The following PCLO variants were observed in gnomAD, a reference collection of about 807,000 sequenced individuals.
PCLO encodes the protein piccolo presynaptic cytomatrix protein, also known as protein piccolo.
Under a neutral mutation model 427.5 loss-of-function variants are expected in PCLO, and 82 were observed. The observed-to-expected ratio is 0.19, with a 90% CI of 0.16 to 0.23. The LOEUF is 0.23. Among genes scored for constraint, PCLO ranks in the 10% least tolerant of loss-of-function variants. The pLI is 1.00. For synonymous variants in PCLO, 2,357 were observed against 2,155.4 expected, an observed-to-expected ratio of 1.09 and a Z score of -2.59; for missense variants, 6,239 against 6,115.9, an observed-to-expected ratio of 1.02 and a Z score of -0.67.
chr7:82,984,406 G>GTC (rs1297590166), intron 3 of PCLO, among the ~76,000 whole-genome samples: 6 of 137,886 alleles, frequency 4.4e-5, no homozygotes, highest in Non-Finnish European at 7.8e-5. Context: ...CAAATGTGGT[G>GTC]TCTGTGTGTG....
intron 10 of PCLO, among the ~76,000 whole-genome samples, chr7:82,874,501 A>G (rs767809090): frequency 2.0e-5 from 3 of 152,130 alleles, no homozygotes; most frequent in Non-Finnish European, 4.4e-5. Flanking sequence ...GAATTTCCCA[A>G]ATTTGGAGAG....
At chr7:83,072,802 A>G (rs1043257723) in intron 3 of PCLO, among the ~76,000 whole-genome samples, 13 of 152,026 alleles carry the variant, frequency 8.6e-5, no homozygotes, top group Non-Finnish European at 1.5e-5. Flanking sequence ...ATTCAAACTA[A>G]TGAATCAGCT....
In PCLO at chr7:83,024,259, G is replaced by A. The variant is rs377318419; in HGVS notation, c.3301-57772C>T. Among the ~76,000 whole-genome samples, 128 of 152,292 alleles carry A rather than the reference G, an allele frequency of 8.4e-4. 1 individual carries two copies. Among genetic ancestry groups the A allele is most frequent in the African/African-American group, 2.7e-3 (112 of 41,578 alleles). ...GTCAGTGGGTGCGCGCACCATGCGC[G>A]AGCCGAAGCAGGGTGAGGCATTGCC... On this transcript the variant is annotated intron_variant, in intron 3 of 24. Transcript: ENST00000333891.
In PCLO at chr7:82,988,819, A is replaced by T. The variant is rs1195298169; in HGVS notation, c.3301-22332T>A. Among the ~76,000 whole-genome samples the T allele has an allele frequency of 4.0e-5, 6 of 150,134 alleles. No individual in the cohort carries two copies. In the South Asian group the frequency reaches 6.3e-4, roughly 16 times the overall value. ...CAAGGAGCAGAATTTATTTTTTTTT[A>T]TTTTTTATTTTTTTATTTTATTTTT... On this transcript the variant is annotated intron_variant, in intron 3 of 24. Coordinates refer to ENST00000333891, the MANE Select transcript of PCLO (RefSeq NM_033026.6).
intron 14 of PCLO, among the ~76,000 whole-genome samples, chr7:82,838,617 G>A (rs2115761966): frequency 6.6e-6 from 1 of 151,928 alleles, no homozygotes; most frequent in African/African-American, 2.4e-5. Flanking sequence ...AAGGTAGAAT[G>A]CTGGTTATCT....
intron 3 of PCLO, among the ~76,000 whole-genome samples, chr7:83,112,045 GTTTTTTGT>G (rs1791017356): frequency 6.7e-6 from 1 of 148,996 alleles, no homozygotes; most frequent in African/African-American, 2.4e-5. Flanking sequence ...TTTTTTTGTT[GTTTTTTGT>G]TTTTTTGTTT....
At chr7:82,894,999 A>C (rs1053797388) in intron 9 of PCLO, among the ~76,000 whole-genome samples, 1 of 152,054 alleles carries the variant, frequency 6.6e-6, no homozygotes, top group African/African-American at 2.4e-5. Flanking sequence ...GGAAAGTAAA[A>C]TCATAGTCAT....
rs886171180 is a variant in PCLO at position 82,754,477 on chromosome 7, C to T, written c.*4098G>A. The T allele has an allele frequency of 6.6e-6, 1 of 152,080 alleles. No individual in the cohort carries two copies. The highest frequency in any genetic ancestry group is 2.1e-4 in the South Asian group (1 of 4,830). 9.4% of individuals were successfully genotyped at this position (152,080 alleles called of 1,614,324 possible). Reference sequence around the variant, plus strand: ...AATCAGTAGTGGGAGCACCTGAGCACGTCACCAAACAAATATACAGACACA... The same window carrying T: ...AATCAGTAGTGGGAGCACCTGAGCATGTCACCAAACAAATATACAGACACA... On this transcript the variant is annotated 3_prime_UTR_variant, in exon 25 of 25. Coordinates refer to ENST00000333891, the MANE Select transcript of PCLO (RefSeq NM_033026.6).
At chr7:83,149,020 T>A (rs536260632) in intron 2 of PCLO, among the ~76,000 whole-genome samples, 35 of 152,300 alleles carry the variant, frequency 2.3e-4, no homozygotes, top group African/African-American at 8.2e-4. Flanking sequence ...TACCCCATTG[T>A]GGGAGAGAAG....
rs779325143 is a variant in PCLO at position 82,955,366 on chromosome 7, T to C, written c.5587A>G (p.Ile1863Val). The C allele has an allele frequency of 6.2e-7, 1 of 1,613,812 alleles. No homozygotes were observed. Among genetic ancestry groups the C allele is most frequent in the Non-Finnish European group, 8.5e-7 (1 of 1,179,760 alleles). ...TCAAAACCTTCTGGGTCTGACTCTA[T>C]GCTAGGTGAATATTCAGAACAAGAA... ...RSSCSEYSPS[I>V]ESDPEGFEIS... Residue 1863 changes from isoleucine (I) to valine (V), a missense_variant, in exon 5 of 25, where the codon ATA becomes GTA. By Grantham distance (29) the Ile-to-Val change is conservative. Coordinates refer to ENST00000333891, the MANE Select transcript of PCLO (RefSeq NM_033026.6).
intron 4 of PCLO, among the ~76,000 whole-genome samples, chr7:82,962,582 A>C (rs558059550): frequency 6.6e-6 from 1 of 152,078 alleles, no homozygotes; most frequent in East Asian, 1.9e-4. Context: ...AATTAATAAT[A>C]AAATAGTTTA....
intron 10 of PCLO, among the ~76,000 whole-genome samples, chr7:82,856,436 T>C (rs919475976): frequency 1.3e-5 from 2 of 152,128 alleles, no homozygotes; most frequent in Non-Finnish European, 2.9e-5. Context: ...CAGTATTTCC[T>C]TGAAGGATTG....
intron 3 of PCLO, among the ~76,000 whole-genome samples, chr7:83,014,596 T>C (rs1788161736): frequency 6.6e-6 from 1 of 151,488 alleles, no homozygotes; most frequent in East Asian, 1.9e-4. Flanking sequence ...CATTGCAATA[T>C]AGAATGAAAA....
Position 82,951,583 on chromosome 7 carries a change from G to A in PCLO, c.9098-93C>T. 2.0e-5 allele frequency: 18 copies of A among 915,040 alleles called. 1 individual carries two copies. In the South Asian group the frequency reaches 2.6e-4, roughly 13 times the overall value. The allele number at this position is 915,040 out of a possible 1,614,324, so 56.7% of individuals were successfully genotyped here. A position where few individuals can be genotyped will look rare whatever the true frequency, so the allele number is the denominator to read the frequency against. ...TCTCATCTTGATGAACATAATGAAT[G>A]AGACTGCATGCAAATCCACAGGGTA... On this transcript the variant is annotated intron_variant, in intron 5 of 24. Transcript: ENST00000333891.
At chr7:83,109,147 A>G (rs1388706169) in intron 3 of PCLO, among the ~76,000 whole-genome samples, 1 of 152,126 alleles carries the variant, frequency 6.6e-6, no homozygotes, top group African/African-American at 2.4e-5. Flanking sequence ...TCAAACTCAG[A>G]TGCCCACATC....
chr7:82,801,365 C>T (rs574814223), intron 22 of PCLO, among the ~76,000 whole-genome samples, 153 bp downstream of exon 22: 1 of 151,752 alleles, frequency 6.6e-6, no homozygotes, highest in South Asian at 2.1e-4. Flanking sequence ...TGAATACAGT[C>T]ATTCTCATTT....
intron 17 of PCLO, 48 bp downstream of exon 17, chr7:82,827,825 G>T: frequency 9.7e-7 from 1 of 1,031,194 alleles, no homozygotes; most frequent in Non-Finnish European, 1.5e-6. Flanking sequence ...TGTTATCACT[G>T]TACTTATATT....
At chr7:82,818,140 G>A (rs1223153454) in intron 20 of PCLO, among the ~76,000 whole-genome samples, 1 of 152,138 alleles carries the variant, frequency 6.6e-6, no homozygotes, top group Non-Finnish European at 1.5e-5. Flanking sequence ...ACTACGGAGA[G>A]TTGTTTAGGC....
intron 3 of PCLO, among the ~76,000 whole-genome samples, chr7:83,003,467 T>C (rs1414124428): frequency 6.6e-6 from 1 of 151,786 alleles, no homozygotes; most frequent in Non-Finnish European, 1.5e-5. Context: ...CATTGCTAAA[T>C]GGCTTAGATG....
Sources: gnomAD v4.1 joint callset for allele counts (sites outside exome capture counted in the v4.1 genomes callset) on GRCh38, gnomAD v4.1.1 for gene constraint, MANE v1.5 for transcripts, NCBI Gene and HGNC (gene_info 2026-07-23, HGNC 2026-07-21) for gene names.